The following GMDS variants were observed in gnomAD, a reference collection of about 807,000 sequenced individuals.
The protein encoded by GMDS is GDP-mannose 4,6 dehydratase.
A neutral mutation model predicts 49.9 loss-of-function variants in GMDS; 20 were observed. The observed-to-expected ratio is 0.40, with a 90% CI of 0.28 to 0.58. The LOEUF is 0.58. Ranked by LOEUF, GMDS falls within the 20% of genes least tolerant of loss-of-function variation. The pLI, the probability that GMDS is intolerant of heterozygous loss-of-function variation, is 0.42. For synonymous variants in GMDS, 177 were observed against 178.6 expected (o/e 0.99, Z 0.07); for missense variants, 362 against 481.4 (o/e 0.75, Z 2.32).
At chr6:2,204,113 T>C (rs1030197341) in intron 1 of GMDS, among the ~76,000 whole-genome samples, 1 of 152,230 alleles carries the variant, frequency 6.6e-6, no homozygotes, top group African/African-American at 2.4e-5. Flanking sequence ...GGGATAGGGT[T>C]AAGATTCACA....
chr6:1,932,121 G>A (rs1256866523), intron 6 of GMDS, among the ~76,000 whole-genome samples: 1 of 152,194 alleles, frequency 6.6e-6, no homozygotes, highest in East Asian at 1.9e-4. Flanking sequence ...AGGTCATGAA[G>A]GGACTCATCA....
intron 7 of GMDS, among the ~76,000 whole-genome samples, chr6:1,886,917 G>A (rs1012732233): frequency 1.3e-5 from 2 of 152,136 alleles, no homozygotes; most frequent in African/African-American, 2.4e-5. Context: ...AGTAAAAGTG[G>A]TGGCAACTGC....
chr6:1,704,775 G>C (rs890866505), intron 9 of GMDS, among the ~76,000 whole-genome samples: 1 of 152,006 alleles, frequency 6.6e-6, no homozygotes, highest in Non-Finnish European at 1.5e-5. Context: ...GTCCCTGCCT[G>C]CGTGGAGCTT....
At chr6:2,210,665 C>G (rs1173868668) in intron 1 of GMDS, among the ~76,000 whole-genome samples, 1 of 152,200 alleles carries the variant, frequency 6.6e-6, no homozygotes, top group African/African-American at 2.4e-5. Context: ...AAGAGACAGA[C>G]AGAGGTGGGC....
At chr6:1,961,293 A>C (rs1763928287) in intron 4 of GMDS, among the ~76,000 whole-genome samples, 1 of 152,144 alleles carries the variant, frequency 6.6e-6, no homozygotes, top group South Asian at 2.1e-4. Context: ...TTCCTTAAAA[A>C]TTCAGTCTGA....
chr6:1,850,117 G>A (rs1364352861), intron 7 of GMDS, among the ~76,000 whole-genome samples: 1 of 152,096 alleles, frequency 6.6e-6, no homozygotes, highest in Non-Finnish European at 1.5e-5. Flanking sequence ...AATCTCATGG[G>A]TCTTCTGCTA....
intron 4 of GMDS, among the ~76,000 whole-genome samples, chr6:2,063,897 G>C (rs138523759): frequency 0.021 from 3,179 of 152,260 alleles, 39 homozygotes; most frequent in Non-Finnish European, 0.033. Context: ...CAGTTTAAAA[G>C]AACAGCAATA....
At chr6:1,913,359 C>T (rs1425823711) in intron 7 of GMDS, among the ~76,000 whole-genome samples, 10 of 126,238 alleles carry the variant, frequency 7.9e-5, no homozygotes, top group African/African-American at 2.5e-4. Flanking sequence ...CCAGCCTGGG[C>T]GACAGAGCGA....
chr6:1,917,741 T>TG, intron 7 of GMDS, among the ~76,000 whole-genome samples: 1 of 152,198 alleles, frequency 6.6e-6, no homozygotes, highest in Non-Finnish European at 1.5e-5. Context: ...CCTGTGGACT[T>TG]GGTGACAGAA....
intron 6 of GMDS, among the ~76,000 whole-genome samples, chr6:1,959,214 A>C (rs1300457637): frequency 6.6e-6 from 1 of 152,154 alleles, no homozygotes; most frequent in East Asian, 1.9e-4. Flanking sequence ...AATTAGCTAG[A>C]AAAGAGGTTT....
At chr6:1,740,709 G>T (rs1208463758) in intron 8 of GMDS, among the ~76,000 whole-genome samples, 1 of 151,482 alleles carries the variant, frequency 6.6e-6, no homozygotes, top group Admixed American at 6.6e-5. Context: ...GAAAAATGAG[G>T]TATCTTCTTT....
At chr6:1,898,929 T>G (rs1760359901) in intron 7 of GMDS, among the ~76,000 whole-genome samples, 2 of 152,198 alleles carry the variant, frequency 1.3e-5, no homozygotes, top group African/African-American at 4.8e-5. Flanking sequence ...CATCATGGAT[T>G]ACACAAATAA....
intron 2 of GMDS, among the ~76,000 whole-genome samples, chr6:2,123,952 C>T (rs1365678006): frequency 2.6e-5 from 4 of 151,860 alleles, no homozygotes; most frequent in South Asian, 2.1e-4. Context: ...TTTAAAACAA[C>T]GTACCAACAA....
intron 4 of GMDS, among the ~76,000 whole-genome samples, chr6:2,050,256 C>T (rs1055958499): frequency 1.3e-5 from 2 of 152,180 alleles, no homozygotes; most frequent in Non-Finnish European, 2.9e-5. Flanking sequence ...CACCTCTACA[C>T]AAATAAACTG....
At chr6:1,839,815 A>G (rs1311977942) in intron 7 of GMDS, among the ~76,000 whole-genome samples, 1 of 152,090 alleles carries the variant, frequency 6.6e-6, no homozygotes, top group Non-Finnish European at 1.5e-5. Flanking sequence ...GAGTGTGAGG[A>G]GCAGGCTGCA....
At position 2,215,846 on chromosome 6, in the gene GMDS, C is replaced by T. The variant is rs1279601925; in HGVS notation, c.102+29475G>A. On this transcript the variant is annotated intron_variant, in intron 1 of 10. Transcript: ENST00000380815. ...ATAGACATCTAATTGTGTTAACAAA[C>T]TATTATTAACTTAGTAAATACAATA... 5.9e-5 allele frequency among the ~76,000 whole-genome samples: 9 copies of T among 152,218 alleles called. No individual in the cohort carries two copies. In the East Asian group the frequency reaches 1.7e-3, roughly 29 times the overall value.
intron 1 of GMDS, among the ~76,000 whole-genome samples, chr6:2,154,879 A>G: frequency 6.6e-6 from 1 of 150,636 alleles, no homozygotes. Flanking sequence ...AAAAAAAAAA[A>G]AAAAAAAGAC....
At chr6:1,947,254 G>T (rs866267606) in intron 6 of GMDS, among the ~76,000 whole-genome samples, 4 of 152,150 alleles carry the variant, frequency 2.6e-5, no homozygotes, top group Non-Finnish European at 5.9e-5. Context: ...GGATATGCTG[G>T]TACTAAGGTT....
chr6:2,211,684 G>A (rs191307682), intron 1 of GMDS, among the ~76,000 whole-genome samples: 11 of 152,068 alleles, frequency 7.2e-5, no homozygotes, highest in Admixed American at 2.6e-4. Context: ...CAAAGAACAC[G>A]TAAGGCAGGA....
Sources: gnomAD v4.1 joint callset for allele counts (sites outside exome capture counted in the v4.1 genomes callset) on GRCh38, gnomAD v4.1.1 for gene constraint, MANE v1.5 for transcripts, NCBI Gene and HGNC (gene_info 2026-07-23, HGNC 2026-07-21) for gene names.